EHD4: variants seen among roughly 807,000 people sequenced by gnomAD.
EHD4 encodes the protein EH domain containing 4.
Under a neutral mutation model 51.0 loss-of-function variants are expected in EHD4, and 37 were observed. The observed-to-expected ratio is 0.73, with a 90% CI of 0.56 to 0.95. The LOEUF (loss-of-function observed/expected upper bound fraction) is 0.95. EHD4 is among the 40% of genes least tolerant of loss of function. EHD4 has a pLI of 0.00. For missense variants in EHD4, 632 were observed against 733.1 expected, an observed-to-expected ratio of 0.86 and a Z score of 1.59; for synonymous variants, 297 against 317.3, an observed-to-expected ratio of 0.94 and a Z score of 0.68.
At chr15:41,945,630 A>G (rs1007681986) in intron 2 of EHD4, among the ~76,000 whole-genome samples, 1 of 152,206 alleles carries the variant, frequency 6.6e-6, no homozygotes, top group African/African-American at 2.4e-5. Context: ...AAGAGAACAG[A>G]AAGGAGCATT....
rs2067463758 is a variant in EHD4 at position 41,899,833 on chromosome 15, A to G, written c.*812T>C. 6.6e-6 allele frequency: 1 copy of G among 152,252 alleles called. No homozygotes were observed. The highest frequency in any genetic ancestry group is 2.4e-5 in the African/African-American group (1 of 41,468). 9.4% of individuals were successfully genotyped at this position (152,252 alleles called of 1,614,324 possible). On this transcript the variant is annotated 3_prime_UTR_variant, in exon 6 of 6. Transcript: ENST00000220325. ...TTACTTATTGGAAAAACCAGTAAGAAAAGCTAATTTTCAGGCTTCAATGTG... is the reference window on the plus strand; with the variant it reads ...TTACTTATTGGAAAAACCAGTAAGAGAAGCTAATTTTCAGGCTTCAATGTG...
In EHD4 at chr15:41,896,279, C is replaced by T. The variant is rs1198225432; in HGVS notation, c.*4366G>A. 1 of 152,288 alleles carries T rather than the reference C, an allele frequency of 6.6e-6. No homozygotes were observed. The highest frequency in any genetic ancestry group is 1.5e-5 in the Non-Finnish European group (1 of 68,068). The allele number at this position is 152,288 out of a possible 1,614,324, so 9.4% of individuals were successfully genotyped here. On this transcript the variant is annotated 3_prime_UTR_variant, in exon 6 of 6. Coordinates refer to ENST00000220325, the MANE Select transcript of EHD4 (RefSeq NM_139265.4). ...TCATGCTCCACAAGATGGCTTCTGC[C>T]AGGCTGACCTCCCTCCCCTGACCCC... is the stretch of plus-strand genomic sequence containing the variant.
Position 41,909,830 on chromosome 15 carries a change from C to T in EHD4, c.958G>A (p.Glu320Lys), listed in dbSNP as rs2067537183. 6.2e-7 allele frequency: 1 copy of T among 1,614,112 alleles called. No individual in the cohort carries two copies. Among genetic ancestry groups the T allele is most frequent in the Non-Finnish European group, 8.5e-7 (1 of 1,180,062 alleles). The change falls in exon 5 of 6, where the codon GAG (glutamate) becomes AAG (lysine). Residue 320 changes from glutamate to lysine, a missense_variant. By Grantham distance (56) the Glu-to-Lys change is moderately conservative (BLOSUM62 1). Transcript: ENST00000220325. ...TCCTTTCCAAATACACTTGGCATCTCCTTCTTCAGGTAGCTGATGATGTAG... is the reference window on the plus strand; with the variant it reads ...TCCTTTCCAAATACACTTGGCATCTTCTTCTTCAGGTAGCTGATGATGTAG... The part of the protein sequence containing the change: ...HAYIISYLKK[E>K]MPSVFGKENK...
chr15:41,905,762 C>T (rs1030933813), intron 5 of EHD4, among the ~76,000 whole-genome samples: 5 of 152,188 alleles, frequency 3.3e-5, no homozygotes, highest in Non-Finnish European at 7.3e-5. Flanking sequence ...CCTCGACCTC[C>T]GGGCTTAAGC....
rs779954148 is a variant in EHD4, at chr15:41,900,917, C to T, written c.1354G>A (p.Asp452Asn). 36 of 1,614,018 alleles carry T rather than the reference C, an allele frequency of 2.2e-5. No homozygotes were observed. The highest frequency in any genetic ancestry group is 1.6e-4 in the Middle Eastern group (1 of 6,084). Reference protein sequence around the residue: ...WVVAKDKPVYDELFYTLSPIN... With the variant: ...WVVAKDKPVYNELFYTLSPIN... ...GGCGACAGAGTGTAGAAGAGCTCGT[C>T]GTAGACGGGCTTGTCTTTGGCCACG... Residue 452 changes from aspartate to asparagine, a missense_variant, in exon 6 of 6, where the codon GAC (aspartate) becomes AAC (asparagine). Physicochemically the swap from Asp to Asn is conservative, Grantham distance 23. Transcript: ENST00000220325. This position sits in a 1 kb window ranked among gnomAD's most constrained non-coding sequence, Gnocchi z 4.8.
chr15:41,936,227 T>C (rs1379741979), intron 3 of EHD4, among the ~76,000 whole-genome samples: 1 of 152,176 alleles, frequency 6.6e-6, no homozygotes. Flanking sequence ...AAGGCACGAA[T>C]GCTGGGAGGC....
intron 5 of EHD4, among the ~76,000 whole-genome samples, chr15:41,908,019 C>T (rs2067524184): frequency 6.6e-6 from 1 of 152,022 alleles, no homozygotes; most frequent in African/African-American, 2.4e-5. Context: ...ATTATAGCCA[C>T]CACACCCGGC....
intron 1 of EHD4, among the ~76,000 whole-genome samples, chr15:41,958,839 A>G (rs929442870): frequency 2.0e-5 from 3 of 152,082 alleles, no homozygotes; most frequent in African/African-American, 4.8e-5. Flanking sequence ...TTCTATCCCT[A>G]TTTTACAGAT....
At chr15:41,962,104 A>C (rs546608759) in intron 1 of EHD4, among the ~76,000 whole-genome samples, 1 of 152,362 alleles carries the variant, frequency 6.6e-6, no homozygotes, top group East Asian at 1.9e-4. Flanking sequence ...GTATGAGTAA[A>C]TCAATCACTT....
rs902051966 is a variant in EHD4, at chr15:41,897,315, T to C, written c.*3330A>G. 3 of 152,118 alleles carry C rather than the reference T, an allele frequency of 2.0e-5. No individual in the cohort carries two copies. The highest frequency in any genetic ancestry group is 4.4e-5 in the Non-Finnish European group (3 of 68,048). The allele number at this position is 152,118 out of a possible 1,614,324, so 9.4% of individuals were successfully genotyped here. A position where few individuals can be genotyped will look rare whatever the true frequency, so the allele number is the denominator to read the frequency against. ...CATCATGAAGGAGGGTGAGCGAGGG[T>C]GCGAGGTGGAAAGGTCCAGGCCGCG... On this transcript the variant is annotated 3_prime_UTR_variant, in exon 6 of 6. Transcript: ENST00000220325.
intron 5 of EHD4, among the ~76,000 whole-genome samples, chr15:41,902,945 C>T (rs2067487692): frequency 6.6e-6 from 1 of 150,600 alleles, no homozygotes; most frequent in Admixed American, 6.6e-5. Context: ...CCAGGGGGAC[C>T]CCTGGGGACC....
chr15:41,904,016 G>T, intron 5 of EHD4, among the ~76,000 whole-genome samples: 1 of 152,060 alleles, frequency 6.6e-6, no homozygotes, highest in South Asian at 2.1e-4. Context: ...ATGGAAAAGA[G>T]AACGCTAAGC....
chr15:41,927,762 T>C (rs8043408), intron 3 of EHD4, among the ~76,000 whole-genome samples: 128,941 of 152,234 alleles, frequency 0.85, 55,306 homozygotes, highest in African/African-American at 0.96. Flanking sequence ...TTCTAGAGAT[T>C]TGCGGAACCA....
At chr15:41,930,289 C>T (rs374495174) in intron 3 of EHD4, among the ~76,000 whole-genome samples, 1 of 152,124 alleles carries the variant, frequency 6.6e-6, no homozygotes, top group East Asian at 1.9e-4. Flanking sequence ...TTCAAGTGGG[C>T]TTTGTGTATA....
intron 3 of EHD4, among the ~76,000 whole-genome samples, chr15:41,938,587 C>G (rs1026900781): frequency 6.6e-6 from 1 of 152,188 alleles, no homozygotes; most frequent in Non-Finnish European, 1.5e-5. Flanking sequence ...AAGACACTCT[C>G]GAATTTTCAT....
intron 1 of EHD4, among the ~76,000 whole-genome samples, chr15:41,964,457 G>T (rs1425794349): frequency 1.3e-5 from 2 of 151,618 alleles, no homozygotes; most frequent in African/African-American, 2.4e-5. Context: ...GAATAAATTG[G>T]CTGGGTGTGG....
intron 1 of EHD4, among the ~76,000 whole-genome samples, chr15:41,969,481 G>C (rs1038654515): frequency 3.9e-5 from 6 of 152,304 alleles, no homozygotes; most frequent in African/African-American, 1.2e-4. Context: ...GGGAGGGGGA[G>C]GTTGCGGTGA....
At chr15:41,959,296 T>G (rs990815988) in intron 1 of EHD4, among the ~76,000 whole-genome samples, 2 of 147,478 alleles carry the variant, frequency 1.4e-5, no homozygotes, top group African/African-American at 5.1e-5. Context: ...CTCGGGAGGC[T>G]GAGGCAGGAG....
In EHD4 at chr15:41,909,691, C is replaced by T. The variant is rs2067535853; in HGVS notation, c.1089+8G>A. 1.2e-6 allele frequency: 2 copies of T among 1,614,008 alleles called. No individual in the cohort carries two copies. Among genetic ancestry groups the T allele is most frequent in the South Asian group, 1.1e-5 (1 of 91,072 alleles). The stretch of plus-strand genomic sequence containing the variant: ...TCTGCCCGTGACATTGTAGTGGGCT[C>T]CCAGTACCTGCATAGCCTTGACCTC... On this transcript the variant is annotated splice_region_variant and intron_variant, in intron 5 of 5. Transcript: ENST00000220325.
Sources: allele counts gnomAD v4.1 joint callset (sites outside exome capture counted in the v4.1 genomes callset), GRCh38; gene constraint gnomAD v4.1.1; non-coding constraint Gnocchi (gnomAD v3.1); transcripts MANE v1.5; gene names NCBI Gene and HGNC (gene_info 2026-07-23, HGNC 2026-07-21).